Variants in CCNH observed in about 807,000 individuals in gnomAD.
CCNH encodes cyclin-H.
A neutral mutation model predicts 41.9 loss-of-function variants in CCNH; 31 were observed. The observed-to-expected ratio is 0.74, with a 90% CI of 0.56 to 1.00. The LOEUF (loss-of-function observed/expected upper bound fraction) is 1.00. Among genes scored for constraint, CCNH ranks in the 50% least tolerant of loss-of-function variants. The pLI is 0.00. For missense variants in CCNH, 362 were observed against 388.4 expected, an observed-to-expected ratio of 0.93 and a Z score of 0.57; for synonymous variants, 138 against 136.1, an observed-to-expected ratio of 1.01 and a Z score of -0.10.
intron 9 of CCNH, among the ~76,000 whole-genome samples, chr5:87,357,153 CTT>C (rs1759711357): frequency 6.6e-6 from 1 of 151,894 alleles, no homozygotes; most frequent in East Asian, 1.9e-4. Flanking sequence ...TCTTGTTTCA[CTT>C]TTTGAGTAAT....
At chr5:87,395,915 G>A (rs1425611827) in intron 7 of CCNH, among the ~76,000 whole-genome samples, 3 of 151,534 alleles carry the variant, frequency 2.0e-5, no homozygotes, top group Non-Finnish European at 1.5e-5. Flanking sequence ...ATTAGTATTT[G>A]GAAAAAAGTT....
chr5:87,318,295 G>C (rs1756501698), downstream of CCNH: 1 of 152,136 alleles, frequency 6.6e-6, no homozygotes, highest in African/African-American at 2.4e-5. Flanking sequence ...GGCCAGTATA[G>C]GGGAACATGT....
intron 8 of CCNH, 139 bp from the exon 9 acceptor site, chr5:87,394,623 G>T: frequency 4.1e-6 from 6 of 1,479,808 alleles, no homozygotes; most frequent in Non-Finnish European, 5.4e-6. Context: ...TTTTGTAATA[G>T]TTCACTGTTA....
rs1288772822 is a variant in CCNH, at chr5:87,331,498, T to C, written c.*91-12601A>G. ...GCCAGATGAATGTTGTCAACCATTT[T>C]AGGTAAGTCTTTATTCCTATTATGA... On this transcript the variant is annotated intron_variant and NMD_transcript_variant, in intron 9 of 9. Coordinates refer to the CCNH transcript ENST00000645953. The C allele has an allele frequency of 1.2e-6, 2 of 1,613,632 alleles. No homozygotes were observed. Among genetic ancestry groups the C allele is most frequent in the East Asian group, 4.5e-5 (2 of 44,854 alleles).
At chr5:87,412,543 T>C (rs1764337980) in intron 1 of CCNH, 135 bp downstream of exon 1, 1 of 1,456,968 alleles carries the variant, frequency 6.9e-7, no homozygotes, top group Non-Finnish European at 9.1e-7. Flanking sequence ...CTCGCTTATT[T>C]TGATAGAAAA....
chr5:87,367,643 C>T (rs1226036453), intron 9 of CCNH, among the ~76,000 whole-genome samples: 1 of 152,172 alleles, frequency 6.6e-6, no homozygotes, highest in Non-Finnish European at 1.5e-5. Context: ...GTCTTAGTGA[C>T]ACAAAGTTAT....
At chr5:87,407,939 G>A in intron 4 of CCNH, 37 bp downstream of exon 4, 1 of 1,414,692 alleles carries the variant, frequency 7.1e-7, no homozygotes, top group South Asian at 1.2e-5. Flanking sequence ...AATAGGAAAG[G>A]AGAATGTAGT....
At chr5:87,362,357 GT>G (rs1021989736) in intron 9 of CCNH, among the ~76,000 whole-genome samples, 14 of 152,242 alleles carry the variant, frequency 9.2e-5, no homozygotes, top group Admixed American at 9.2e-4. Context: ...TGTGAACTTT[GT>G]TGTCGGTGTT....
At chr5:87,385,190 G>GA (rs1761983595) in intron 9 of CCNH, 2 of 751,820 alleles carry the variant, frequency 2.7e-6, no homozygotes, top group Admixed American at 2.0e-5. Context: ...CCGAATGGAA[G>GA]AATGGGTAGT....
intron 9 of CCNH, chr5:87,353,083 A>G (rs1561303237): frequency 8.2e-7 from 1 of 1,213,448 alleles, no homozygotes; most frequent in East Asian, 2.4e-5. Flanking sequence ...CCTTGGCAAG[A>G]AAGTTTACAC....
intron 9 of CCNH, among the ~76,000 whole-genome samples, chr5:87,322,941 G>A (rs1756936954): frequency 6.6e-6 from 1 of 152,164 alleles, no homozygotes; most frequent in Non-Finnish European, 1.5e-5. Flanking sequence ...TGTGTTTGTG[G>A]AGATATTTGC....
chr5:87,396,154 T>C (rs1762942923), intron 7 of CCNH, among the ~76,000 whole-genome samples: 2 of 152,226 alleles, frequency 1.3e-5, no homozygotes, highest in South Asian at 2.1e-4. Flanking sequence ...TTAGGTATTA[T>C]AAGTAATCTA....
At chr5:87,385,558 A>C (rs1762006814) in intron 9 of CCNH, among the ~76,000 whole-genome samples, 1 of 152,118 alleles carries the variant, frequency 6.6e-6, no homozygotes, top group Non-Finnish European at 1.5e-5. Flanking sequence ...TTTACATTTT[A>C]ATAGTGGAAC....
At chr5:87,380,632 A>C (rs754324892), upstream of CCNH, 1 of 1,502,842 alleles carries the variant, frequency 6.7e-7, no homozygotes, top group South Asian at 1.1e-5. Flanking sequence ...ATCACATACT[A>C]ATAGGTGGAT....
At chr5:87,337,610 A>G (rs1758065705) in intron 9 of CCNH, among the ~76,000 whole-genome samples, 1 of 152,128 alleles carries the variant, frequency 6.6e-6, no homozygotes, top group African/African-American at 2.4e-5. Flanking sequence ...ATAACATTGA[A>G]GCATAAGTTT....
At chr5:87,392,956 C>CT (rs1295356289), downstream of CCNH, 1 of 152,012 alleles carries the variant, frequency 6.6e-6, no homozygotes, top group Non-Finnish European at 1.5e-5. Context: ...CTGTCTAGAG[C>CT]CTAGCAGCAA....
At chr5:87,402,375 C>G (rs2112563925) in intron 5 of CCNH, among the ~76,000 whole-genome samples, 1 of 152,268 alleles carries the variant, frequency 6.6e-6, no homozygotes, top group East Asian at 1.9e-4. Flanking sequence ...CCCAAATTAC[C>G]TGTTTTTCTC....
chr5:87,372,668 G>T (rs1380336289), downstream of CCNH, among the ~76,000 whole-genome samples: 5 of 152,130 alleles, frequency 3.3e-5, no homozygotes, highest in African/African-American at 4.8e-5. Flanking sequence ...GATTTGTGGA[G>T]AGTTAAGCTA....
chr5:87,392,671 CCTT>C (rs924283055), downstream of CCNH: 1 of 166,898 alleles, frequency 6.0e-6, no homozygotes, highest in African/African-American at 2.4e-5. Flanking sequence ...AGTCTGAAAT[CCTT>C]CTCCCTTTTA....
Sources: allele counts gnomAD v4.1 joint callset (sites outside exome capture counted in the v4.1 genomes callset), GRCh38; gene constraint gnomAD v4.1.1; transcripts MANE v1.5; gene names NCBI Gene and HGNC (gene_info 2026-07-23, HGNC 2026-07-21).